HPSE2: variants seen among roughly 807,000 people sequenced by gnomAD.
The protein encoded by HPSE2 is inactive heparanase-2.
In HPSE2, 38 loss-of-function variants were observed where a neutral mutation model predicts 60.5. The ratio of observed to expected loss-of-function variants is 0.63; its 90% CI spans 0.48 to 0.82. The LOEUF (loss-of-function observed/expected upper bound fraction) is 0.82. Ranked by LOEUF, HPSE2 falls within the 40% of genes least tolerant of loss-of-function variation. The probability of loss-of-function intolerance (pLI) is 0.00; values close to 1 mark genes in which losing one functional copy is unlikely to be tolerated. For missense variants in HPSE2, 713 were observed against 740.4 expected (o/e 0.96, Z 0.43); for synonymous variants, 295 against 293.2 (o/e 1.01, Z -0.06).
chr10:98,639,845 T>A (rs1410324560), intron 7 of HPSE2, among the ~76,000 whole-genome samples: 1 of 152,186 alleles, frequency 6.6e-6, no homozygotes, highest in African/African-American at 2.4e-5. Flanking sequence ...TTGATAGAAC[T>A]GAATCATTTT....
At chr10:99,262,357 A>C in the HPSE2 span, among the ~76,000 whole-genome samples, 1 of 152,126 alleles carries the variant, frequency 6.6e-6, no homozygotes, top group Non-Finnish European at 1.5e-5. Context: ...ACGTTGAGAC[A>C]TTTTAACTAA....
intron 9 of HPSE2, among the ~76,000 whole-genome samples, chr10:98,530,072 T>G (rs1250359203): frequency 1.3e-5 from 2 of 152,218 alleles, no homozygotes; most frequent in Non-Finnish European, 2.9e-5. Context: ...GGACCTCATC[T>G]GATTGGAAAA....
intron 1 of HPSE2, among the ~76,000 whole-genome samples, chr10:99,233,422 C>T (rs1312323266): frequency 6.6e-6 from 1 of 152,170 alleles, no homozygotes; most frequent in African/African-American, 2.4e-5. Flanking sequence ...ACTAAATGAG[C>T]ACAAAACAAT....
At chr10:98,575,530 A>G (rs1355619240) in intron 9 of HPSE2, among the ~76,000 whole-genome samples, 1 of 152,250 alleles carries the variant, frequency 6.6e-6, no homozygotes, top group Non-Finnish European at 1.5e-5. Flanking sequence ...TTAAGTGCTT[A>G]CTATGTGCCA....
chr10:99,217,577 T>TTG (rs1554922539), intron 2 of HPSE2, among the ~76,000 whole-genome samples: 74,580 of 151,384 alleles, frequency 0.49, 21,479 homozygotes, highest in Non-Finnish European at 0.64. Context: ...ACCCAGTTTT[T>TTG]TTGTTGTTGT....
chr10:98,623,013 T>C (rs925600921), intron 7 of HPSE2, among the ~76,000 whole-genome samples: 4 of 152,180 alleles, frequency 2.6e-5, no homozygotes, highest in Non-Finnish European at 4.4e-5. Context: ...GCACTTCCTT[T>C]ATAAGTAACC....
chr10:99,178,614 T>G (rs1847630725), intron 2 of HPSE2, among the ~76,000 whole-genome samples: 1 of 152,070 alleles, frequency 6.6e-6, no homozygotes, highest in Non-Finnish European at 1.5e-5. Flanking sequence ...GTTCTGAAAT[T>G]GAGGTAATAG....
At chr10:98,900,406 G>C (rs1185214323) in intron 3 of HPSE2, among the ~76,000 whole-genome samples, 1 of 152,150 alleles carries the variant, frequency 6.6e-6, no homozygotes, top group East Asian at 1.9e-4. Context: ...TGTTACCTGG[G>C]ACAAAGTGGA....
chr10:99,275,936 G>A, the HPSE2 span, among the ~76,000 whole-genome samples: 17 of 152,024 alleles, frequency 1.1e-4, no homozygotes, highest in South Asian at 3.5e-3. Context: ...GTGCAATCCT[G>A]GTAATGTTAA....
intron 9 of HPSE2, among the ~76,000 whole-genome samples, chr10:98,587,385 C>T (rs1944967496): frequency 6.6e-6 from 1 of 152,162 alleles, no homozygotes; most frequent in African/African-American, 2.4e-5. Context: ...AGAGATTGAG[C>T]ACTCAGGCAG....
At chr10:98,798,207 C>T (rs1950825035) in intron 3 of HPSE2, among the ~76,000 whole-genome samples, 1 of 152,048 alleles carries the variant, frequency 6.6e-6, no homozygotes, top group African/African-American at 2.4e-5. Context: ...AAAACTTTTA[C>T]CCTAAAGTGA....
rs1940151963 is a variant in HPSE2 at position 98,458,699 on chromosome 10, G to A, written c.*875C>T. The A allele has an allele frequency of 6.6e-6, 1 of 152,352 alleles. No individual in the cohort carries two copies. The highest frequency in any genetic ancestry group is 1.5e-5 in the Non-Finnish European group (1 of 68,182). The allele number at this position is 152,352 out of a possible 1,614,324, so 9.4% of individuals were successfully genotyped here. The stretch of plus-strand genomic sequence containing the variant: ...AATTTGCTTTGTCCAGTTGGGGTGT[G>A]TGTGTGTACCTGATGTTTCAGTATG... On this transcript the variant is annotated 3_prime_UTR_variant, in exon 12 of 12. Transcript: ENST00000370552.
chr10:98,810,432 C>T (rs1479054195), intron 3 of HPSE2, among the ~76,000 whole-genome samples: 5 of 152,160 alleles, frequency 3.3e-5, no homozygotes, highest in South Asian at 4.1e-4. Context: ...CGATTAAGAT[C>T]CTTCTCTTCT....
At chr10:99,171,413 T>C (rs1385651950) in intron 2 of HPSE2, among the ~76,000 whole-genome samples, 2 of 151,876 alleles carry the variant, frequency 1.3e-5, no homozygotes, top group Admixed American at 6.6e-5. Context: ...AACTCAGCCA[T>C]AAAGACAGAA....
At chr10:98,639,409 G>A (rs1946580876) in intron 7 of HPSE2, among the ~76,000 whole-genome samples, 2 of 152,150 alleles carry the variant, frequency 1.3e-5, no homozygotes, top group Non-Finnish European at 2.9e-5. Context: ...GGGACCCTGG[G>A]CATGTTCTGT....
chr10:98,924,259 G>A, intron 3 of HPSE2, among the ~76,000 whole-genome samples: 1 of 152,144 alleles, frequency 6.6e-6, no homozygotes, highest in East Asian at 1.9e-4. Context: ...CTGGAACTGG[G>A]GGGTGTAGTG....
At chr10:98,691,209 T>C (rs996238668) in intron 6 of HPSE2, among the ~76,000 whole-genome samples, 8 of 152,180 alleles carry the variant, frequency 5.3e-5, no homozygotes, top group Non-Finnish European at 1.0e-4. Context: ...CTGAAAACTA[T>C]GGCTGGAAAG....
At chr10:98,689,797 A>T (rs1948027994) in intron 6 of HPSE2, among the ~76,000 whole-genome samples, 1 of 152,148 alleles carries the variant, frequency 6.6e-6, no homozygotes, top group Non-Finnish European at 1.5e-5. Flanking sequence ...ATTTTTTTGG[A>T]CAAGTCTGTT....
chr10:98,457,199 A>G lies in HPSE2; in HGVS notation c.*2375T>C, dbSNP rs1308372581. The G allele has an allele frequency of 6.6e-6, 1 of 151,588 alleles. No homozygotes were observed. The highest frequency in any genetic ancestry group is 6.5e-5 in the Admixed American group (1 of 15,290). The allele number at this position is 151,588 out of a possible 1,614,324, so 9.4% of individuals were successfully genotyped here. Reference sequence around the variant, plus strand: ...AAGCAGGAATTACCCATATTCTGCAAGGTTTAGTAAAAAAAAATCAACACT... The same window carrying G: ...AAGCAGGAATTACCCATATTCTGCAGGGTTTAGTAAAAAAAAATCAACACT... On this transcript the variant is annotated 3_prime_UTR_variant, in exon 12 of 12. Coordinates refer to ENST00000370552, the MANE Select transcript of HPSE2 (RefSeq NM_021828.5).
Sources: gnomAD v4.1 joint callset for allele counts (sites outside exome capture counted in the v4.1 genomes callset) on GRCh38, gnomAD v4.1.1 for gene constraint, MANE v1.5 for transcripts, NCBI Gene and HGNC (gene_info 2026-07-23, HGNC 2026-07-21) for gene names.